The following PPARGC1A variants were observed in gnomAD, a reference collection of about 807,000 sequenced individuals.
PPARGC1A encodes peroxisome proliferator-activated receptor gamma coactivator 1-alpha.
In PPARGC1A, 25 loss-of-function variants were observed where a neutral mutation model predicts 88.7. The observed-to-expected ratio is 0.28, with a 90% CI of 0.21 to 0.39. PPARGC1A has a LOEUF of 0.39. Ranked by LOEUF, PPARGC1A falls within the 10% of genes least tolerant of loss-of-function variation. The pLI, the probability that PPARGC1A is intolerant of heterozygous loss-of-function variation, is 1.00. For synonymous variants in PPARGC1A, 363 were observed against 355.6 expected (o/e 1.02, Z -0.24); for missense variants, 880 against 968.7 (o/e 0.91, Z 1.22).
At chr4:24,011,824 T>A in the PPARGC1A span, among the ~76,000 whole-genome samples, 1 of 152,220 alleles carries the variant, frequency 6.6e-6, no homozygotes, top group Admixed American at 6.5e-5. Flanking sequence ...TAGGTATTTA[T>A]TGGTACAATA....
the PPARGC1A span, among the ~76,000 whole-genome samples, chr4:23,965,208 G>A: frequency 1.3e-5 from 2 of 152,076 alleles, no homozygotes; most frequent in East Asian, 1.9e-4. Context: ...GATTCCTTAT[G>A]GTCCTAGAGA....
the PPARGC1A span, among the ~76,000 whole-genome samples, chr4:24,195,186 A>T: frequency 6.6e-6 from 1 of 152,318 alleles, no homozygotes; most frequent in Non-Finnish European, 1.5e-5. Flanking sequence ...ATCAAATCCC[A>T]GCTCTGTTAA....
the PPARGC1A span, among the ~76,000 whole-genome samples, chr4:24,343,531 T>TGCC: frequency 6.6e-6 from 1 of 152,188 alleles, no homozygotes; most frequent in Non-Finnish European, 1.5e-5. Context: ...ACATTGATCC[T>TGCC]AGATTTCTGA....
intron 2 of PPARGC1A, among the ~76,000 whole-genome samples, chr4:23,869,982 C>A (rs1712937301): frequency 6.6e-6 from 1 of 152,136 alleles, no homozygotes; most frequent in South Asian, 2.1e-4. Context: ...ATTTCAATAG[C>A]TGTATTTTTA....
chr4:24,044,779 A>G, the PPARGC1A span, among the ~76,000 whole-genome samples: 2 of 152,116 alleles, frequency 1.3e-5, no homozygotes, highest in East Asian at 3.9e-4. Context: ...AGCACACTGC[A>G]CCCTCCAGCA....
chr4:24,373,924 G>T, the PPARGC1A span, among the ~76,000 whole-genome samples: 1 of 152,192 alleles, frequency 6.6e-6, no homozygotes, highest in Non-Finnish European at 1.5e-5. Context: ...GAACAACGAT[G>T]CAAATTCTCT....
intron 3 of PPARGC1A, 77 bp from the exon 4 acceptor site, chr4:23,829,662 T>G (rs1258572677): frequency 2.0e-5 from 27 of 1,352,948 alleles, no homozygotes; most frequent in Non-Finnish European, 2.7e-5. Context: ...TTATTGAAAT[T>G]TTAAATGTAA....
the PPARGC1A span, among the ~76,000 whole-genome samples, chr4:24,324,902 G>A: frequency 6.6e-6 from 1 of 151,978 alleles, no homozygotes; most frequent in Admixed American, 6.6e-5. Context: ...CTCCTCGCCA[G>A]CCCAAGCTAG....
At chr4:24,400,556 TC>T in the PPARGC1A span, among the ~76,000 whole-genome samples, 1 of 152,210 alleles carries the variant, frequency 6.6e-6, no homozygotes, top group Non-Finnish European at 1.5e-5. Context: ...TCTATATATA[TC>T]TTATTAGTTC....
chr4:24,437,414 C>CA, the PPARGC1A span, among the ~76,000 whole-genome samples: 1,797 of 152,182 alleles, frequency 0.012, 29 homozygotes, highest in South Asian at 0.035. Flanking sequence ...GCTGAGGGAA[C>CA]GGGGGGTCCT....
At position 23,795,858 on chromosome 4, in the gene PPARGC1A, A is replaced by G. The variant is rs142128780; in HGVS notation, c.2361T>C (p.Ser787=). Reference sequence around the variant, plus strand: ...AGCTTCTCTGAGCTTCTTTCAGTAAACTATCAAAATCCAGAGAGTCATACT... The same window carrying G: ...AGCTTCTCTGAGCTTCTTTCAGTAAGCTATCAAAATCCAGAGAGTCATACT... ...KSKYDSLDFD[S]LLKEAQRSLR... is the part of the protein sequence containing the mutation. Residue 787 remains serine, a synonymous_variant, in exon 13 of 13, where the codon AGT becomes AGC. Coordinates refer to ENST00000264867, the MANE Select transcript of PPARGC1A (RefSeq NM_013261.5). 4.9e-5 allele frequency: 79 copies of G among 1,611,288 alleles called. No homozygotes were observed. Among genetic ancestry groups the G allele is most frequent in the African/African-American group, 2.5e-4 (19 of 74,626 alleles).
the PPARGC1A span, among the ~76,000 whole-genome samples, chr4:24,464,048 T>G: frequency 1.3e-5 from 2 of 152,204 alleles, no homozygotes; most frequent in African/African-American, 4.8e-5. Context: ...TACATTCTGG[T>G]TGCAACATTA....
At chr4:23,889,776 TA>T in intron 1 of PPARGC1A, 127 bp downstream of exon 1, 1 of 1,121,270 alleles carries the variant, frequency 8.9e-7, no homozygotes, top group Non-Finnish European at 1.2e-6. Flanking sequence ...GAGATTCTTC[TA>T]AAAGCTCCTG....
At chr4:24,468,166 T>C in the PPARGC1A span, among the ~76,000 whole-genome samples, 2 of 152,150 alleles carry the variant, frequency 1.3e-5, no homozygotes, top group Non-Finnish European at 2.9e-5. Flanking sequence ...CAAGCAGTAA[T>C]AACCACTCCA....
At chr4:23,866,379 T>TA (rs1318596686) in intron 2 of PPARGC1A, 1 of 152,226 alleles carries the variant, frequency 6.6e-6, no homozygotes, top group Non-Finnish European at 1.5e-5. Context: ...ACTAGGCCTA[T>TA]AAAATCCTCT....
chr4:24,139,949 C>T, the PPARGC1A span, among the ~76,000 whole-genome samples: 18,846 of 152,154 alleles, frequency 0.12, 1,637 homozygotes, highest in South Asian at 0.29. Context: ...CAACTGAAAG[C>T]CTTTCCAAAA....
At chr4:24,056,304 C>T in the PPARGC1A span, among the ~76,000 whole-genome samples, 1 of 152,184 alleles carries the variant, frequency 6.6e-6, no homozygotes, top group Non-Finnish European at 1.5e-5. Context: ...ATTCTGCCCC[C>T]AACCCTAGGA....
At chr4:23,947,458 C>T in the PPARGC1A span, among the ~76,000 whole-genome samples, 8 of 148,674 alleles carry the variant, frequency 5.4e-5, no homozygotes, top group Non-Finnish European at 1.0e-4. Context: ...CTCAATGTCA[C>T]GCTGCTGGTA....
At chr4:24,230,405 G>A in the PPARGC1A span, among the ~76,000 whole-genome samples, 2 of 152,168 alleles carry the variant, frequency 1.3e-5, no homozygotes, top group Admixed American at 1.3e-4. Flanking sequence ...ACAGGAGTCA[G>A]TTCCCATCTT....
Sources: gnomAD v4.1 joint callset for allele counts (sites outside exome capture counted in the v4.1 genomes callset) on GRCh38, gnomAD v4.1.1 for gene constraint, MANE v1.5 for transcripts, NCBI Gene and HGNC (gene_info 2026-07-23, HGNC 2026-07-21) for gene names.